NRK: variants seen among roughly 807,000 people sequenced by gnomAD.
NRK encodes the protein nik-related protein kinase.
Under a neutral mutation model 125.2 loss-of-function variants are expected in NRK, and 67 were observed. That is an observed-to-expected ratio of 0.54 (90% CI 0.44 to 0.66). The LOEUF (loss-of-function observed/expected upper bound fraction) is 0.66. Ranked by LOEUF, NRK falls within the 30% of genes least tolerant of loss-of-function variation. NRK has a pLI of 0.00. For synonymous variants in NRK, 458 were observed against 429.0 expected (o/e 1.07, Z -0.84); for missense variants, 1,224 against 1,192.9 (o/e 1.03, Z -0.38).
In NRK at chrX:105,858,789, T is replaced by A. The variant is rs369976181; in HGVS notation, c.124-21410T>A. 4.5e-5 allele frequency among the ~76,000 whole-genome samples: 5 copies of A among 111,162 alleles called. No homozygotes were observed. The East Asian group carries it at 8.6e-4, about 19-fold the overall frequency. On this transcript the variant is annotated intron_variant, in intron 2 of 28. Transcript: ENST00000243300. ...TGGAATGGATAATGTCATGTGAAAT[T>A]TGAGAAACATCTGTTCGCCTATATT...
intron 1 of NRK, among the ~76,000 whole-genome samples, chrX:105,828,392 C>T: frequency 9.0e-6 from 1 of 111,243 alleles, no homozygotes. Context: ...TCCTTGGTGT[C>T]TTTTTTGAAT....
chrX:105,834,047 G>A (rs1244187768), intron 2 of NRK, among the ~76,000 whole-genome samples: 2 of 111,725 alleles, frequency 1.8e-5, no homozygotes, highest in Admixed American at 9.5e-5. Flanking sequence ...AGTCTTTTAT[G>A]TTTATCTTCA....
chrX:105,884,991 AT>A (rs1290058840), intron 4 of NRK, among the ~76,000 whole-genome samples: 2 of 110,959 alleles, frequency 1.8e-5, no homozygotes, highest in African/African-American at 6.6e-5. Flanking sequence ...GGGTTCCACC[AT>A]TTTGGCCAGG....
At chrX:105,882,566 C>A (rs1167781601) in intron 4 of NRK, among the ~76,000 whole-genome samples, 1 of 111,511 alleles carries the variant, frequency 9.0e-6, no homozygotes, top group East Asian at 2.8e-4. Context: ...CTACTTTTCT[C>A]TCCTGCAGTC....
intron 9 of NRK, among the ~76,000 whole-genome samples, chrX:105,903,851 G>A (rs185383471): frequency 7.5e-4 from 84 of 112,067 alleles, no homozygotes; most frequent in Middle Eastern, 4.6e-3. Flanking sequence ...CTTACAATAA[G>A]TTTAAAGGAC....
At chrX:105,907,367 T>C (rs2040234208) in intron 11 of NRK, 2 of 111,489 alleles carry the variant, frequency 1.8e-5, no homozygotes, top group Admixed American at 1.9e-4. Flanking sequence ...ATAGGCAGAG[T>C]TGAGAGTAAC....
chrX:105,836,518 A>G (rs1273998020), intron 2 of NRK, among the ~76,000 whole-genome samples: 2 of 111,985 alleles, frequency 1.8e-5, no homozygotes, highest in African/African-American at 6.5e-5. Context: ...TACTATAAAA[A>G]TATTTGGGAT....
chrX:105,944,905 T>A (rs1340657879), intron 24 of NRK, among the ~76,000 whole-genome samples: 3 of 112,085 alleles, frequency 2.7e-5, no homozygotes, highest in Admixed American at 9.5e-5. Context: ...TGAACTTCTA[T>A]GGATAGGCCA....
intron 2 of NRK, among the ~76,000 whole-genome samples, chrX:105,838,159 C>T (rs182956548): frequency 6.8e-4 from 76 of 111,726 alleles, no homozygotes; most frequent in Non-Finnish European, 1.3e-3. Context: ...ATCCTATTGT[C>T]GCTTCTCCAC....
At chrX:105,940,292 A>G (rs1191299562) in intron 23 of NRK, among the ~76,000 whole-genome samples, 2 of 110,582 alleles carry the variant, frequency 1.8e-5, no homozygotes, top group Non-Finnish European at 1.9e-5. Context: ...ACTGACTAAA[A>G]TAGTTATTGA....
chrX:105,946,770 C>G (rs1335235516), intron 26 of NRK, among the ~76,000 whole-genome samples: 1 of 111,278 alleles, frequency 9.0e-6, no homozygotes, highest in Non-Finnish European at 1.9e-5. Context: ...ATCAGAAGAC[C>G]AGATAGCATC....
At chrX:105,871,582 G>C (rs1220839411) in intron 2 of NRK, among the ~76,000 whole-genome samples, 4 of 111,258 alleles carry the variant, frequency 3.6e-5, no homozygotes, top group Non-Finnish European at 7.5e-5. Context: ...GCACATATGT[G>C]CTGAGTGCCT....
intron 1 of NRK, among the ~76,000 whole-genome samples, chrX:105,824,684 A>C (rs2039069931): frequency 9.0e-6 from 1 of 110,688 alleles, no homozygotes; most frequent in African/African-American, 3.3e-5. Flanking sequence ...CCTGGGACAT[A>C]AGAATTTGGT....
At chrX:105,916,589 A>G (rs145513673) in intron 15 of NRK, among the ~76,000 whole-genome samples, 80 of 111,727 alleles carry the variant, frequency 7.2e-4, no homozygotes, top group African/African-American at 2.4e-3. Context: ...TCATTACTTT[A>G]AAAAACCCAT....
At chrX:105,923,715 A>G (rs1373981135) in intron 18 of NRK, among the ~76,000 whole-genome samples, 1 of 107,627 alleles carries the variant, frequency 9.3e-6, no homozygotes, top group East Asian at 2.9e-4. Flanking sequence ...GTTTCTTTAT[A>G]ACTGGAATTG....
intron 1 of NRK, among the ~76,000 whole-genome samples, chrX:105,825,529 A>G (rs1602583881): frequency 1.8e-5 from 2 of 112,578 alleles, no homozygotes; most frequent in East Asian, 5.6e-4. Context: ...ACCACAAGAC[A>G]AAGACCCTTG....
intron 21 of NRK, among the ~76,000 whole-genome samples, chrX:105,936,343 C>A (rs1569317526): frequency 4.5e-5 from 5 of 112,071 alleles, no homozygotes. Context: ...AGTCTGGCAA[C>A]TACCTAGAAA....
At position 105,957,290 on chromosome X, in the gene NRK, A is replaced by G. The variant is rs1465429216; in HGVS notation, c.*1690A>G. 1 of 111,226 alleles carries G rather than the reference A, an allele frequency of 9.0e-6. No individual in the cohort carries two copies. Among genetic ancestry groups the G allele is most frequent in the Non-Finnish European group, 1.9e-5 (1 of 52,929 alleles). 9.2% of individuals were successfully genotyped at this position (111,226 alleles called of 1,213,427 possible). ...AATGCAGTAGTTTTTTTTTTTTAAA[A>G]ACAAACTTTTATGTCAAATTTTTTT... On this transcript the variant is annotated 3_prime_UTR_variant, in exon 29 of 29. Coordinates refer to ENST00000243300, the MANE Select transcript of NRK (RefSeq NM_198465.4).
rs773933676 is a variant in NRK at position 105,909,717 on chromosome X, G to A, written c.2076G>A (p.Arg692=). The A allele has an allele frequency of 1.2e-5, 14 of 1,182,055 alleles. No individual in the cohort carries two copies. The highest frequency in any genetic ancestry group is 5.6e-5 in the South Asian group (3 of 53,574). ...REKKSKVSTL[R]QALAKRLSPK... ...AAAAATCAAAAGTTTCTACTCTGAG[G>A]CAAGCACTGGCAAAAAGACTATCAC... is the stretch of plus-strand genomic sequence containing the variant. Residue 692 remains arginine, a synonymous_variant, in exon 13 of 29, where the codon AGG becomes AGA. Coordinates refer to ENST00000243300, the MANE Select transcript of NRK (RefSeq NM_198465.4).
Sources: gnomAD v4.1 joint callset for allele counts (sites outside exome capture counted in the v4.1 genomes callset) on GRCh38, gnomAD v4.1.1 for gene constraint, MANE v1.5 for transcripts, NCBI Gene and HGNC (gene_info 2026-07-23, HGNC 2026-07-21) for gene names.